UNC13C: variants seen among roughly 807,000 people sequenced by gnomAD.
The protein encoded by UNC13C is protein unc-13 homolog C.
A neutral mutation model predicts 245.4 loss-of-function variants in UNC13C; 174 were observed. The observed-to-expected ratio is 0.71, with a 90% confidence interval of 0.63 to 0.80. UNC13C has a LOEUF of 0.80. Among genes scored for constraint, UNC13C ranks in the 30% least tolerant of loss-of-function variants. The pLI is 0.00. For synonymous variants in UNC13C, 992 were observed against 895.1 expected (o/e 1.11, Z -1.93); for missense variants, 2,829 against 2,602.9 (o/e 1.09, Z -1.89).
At position 54,235,177 on chromosome 15, in the gene UNC13C, C is replaced by T. The variant is rs192689460; in HGVS notation, c.3150+69C>T. 1.6e-5 allele frequency: 21 copies of T among 1,351,470 alleles called. No individual in the cohort carries two copies. In the African/African-American group the frequency reaches 2.6e-4, roughly 16 times the overall value. The allele number at this position is 1,351,470 out of a possible 1,614,324, so 83.7% of individuals were successfully genotyped here. A position where few individuals can be genotyped will look rare whatever the true frequency, so the allele number is the denominator to read the frequency against. Reference sequence around the variant, plus strand: ...TTTTTCCTTACTAAAATGTAATGTCCTTCTCATTCACTGTCTAGCCTGTAA... The same window carrying T: ...TTTTTCCTTACTAAAATGTAATGTCTTTCTCATTCACTGTCTAGCCTGTAA... On this transcript the variant is annotated intron_variant, in intron 5 of 32. Transcript: ENST00000260323.
In UNC13C at chr15:54,501,091, T is replaced by A. The variant is rs961131372; in HGVS notation, c.5301+113T>A. The A allele has an allele frequency of 3.7e-6, 4 of 1,067,298 alleles. No individual in the cohort carries two copies. In the Admixed American group the frequency reaches 6.9e-5, roughly 19 times the overall value. 66.1% of individuals were successfully genotyped at this position (1,067,298 alleles called of 1,614,324 possible). ...CACCCCATCCCAGTTTATTTGTAATTCTGTACTAGTAAATTCAGTTGTTTC... is the reference window on the plus strand; with the variant it reads ...CACCCCATCCCAGTTTATTTGTAATACTGTACTAGTAAATTCAGTTGTTTC... On this transcript the variant is annotated intron_variant, in intron 22 of 32. Transcript: ENST00000260323.
chr15:54,363,877 T>C (rs2039294397), intron 17 of UNC13C, among the ~76,000 whole-genome samples: 1 of 152,162 alleles, frequency 6.6e-6, no homozygotes, highest in African/African-American at 2.4e-5. Flanking sequence ...ATTTTAAAGG[T>C]CCTGAGCAAT....
intron 20 of UNC13C, among the ~76,000 whole-genome samples, chr15:54,496,514 C>CA (rs1249599938): frequency 1.3e-5 from 2 of 151,978 alleles, no homozygotes; most frequent in Non-Finnish European, 2.9e-5. Context: ...TATAGCAGCA[C>CA]AATTCACAAT....
chr15:54,006,860 G>A (rs537674662), intron 1 of UNC13C, among the ~76,000 whole-genome samples: 1 of 152,094 alleles, frequency 6.6e-6, no homozygotes, highest in East Asian at 1.9e-4. Flanking sequence ...GTTTGGAGGA[G>A]CCTGCTTATA....
At chr15:54,525,235 T>TATC (rs1895393425) in intron 24 of UNC13C, among the ~76,000 whole-genome samples, 1 of 152,156 alleles carries the variant, frequency 6.6e-6, no homozygotes, top group African/African-American at 2.4e-5. Flanking sequence ...ATTACGGAAT[T>TATC]ATCATGTTCT....
rs569690960 is a variant in UNC13C at position 54,410,724 on chromosome 15, C to G, written c.4848-4258C>G. 2.6e-5 allele frequency among the ~76,000 whole-genome samples: 4 copies of G among 152,070 alleles called. No individual in the cohort carries two copies. In the South Asian group the frequency reaches 8.3e-4, roughly 32 times the overall value. ...CTGTTCCATTGTTCTATGTGTCTTT[C>G]TTGGTGCCAGTATCATGCTGTTATG... is the stretch of plus-strand genomic sequence containing the variant. On this transcript the variant is annotated intron_variant, in intron 18 of 32. Coordinates refer to ENST00000260323, the MANE Select transcript of UNC13C (RefSeq NM_001080534.3).
chr15:54,569,086 T>G (rs1321244423), intron 30 of UNC13C, among the ~76,000 whole-genome samples: 5 of 152,220 alleles, frequency 3.3e-5, no homozygotes, highest in African/African-American at 1.2e-4. Context: ...CTAAACTTTA[T>G]AAATACGAAT....
intron 2 of UNC13C, among the ~76,000 whole-genome samples, chr15:54,051,105 T>G (rs1468653028): frequency 6.6e-6 from 1 of 152,202 alleles, no homozygotes; most frequent in Non-Finnish European, 1.5e-5. Flanking sequence ...CTTTTTTGCC[T>G]TATAGAAAAT....
intron 2 of UNC13C, among the ~76,000 whole-genome samples, chr15:54,036,060 A>G (rs529595310): frequency 1.3e-5 from 2 of 152,314 alleles, no homozygotes; most frequent in East Asian, 3.9e-4. Flanking sequence ...AGGTTTCTCT[A>G]AAGAGAATGA....
intron 2 of UNC13C, among the ~76,000 whole-genome samples, chr15:54,093,395 C>T (rs1003465754): frequency 2.6e-5 from 4 of 152,122 alleles, no homozygotes; most frequent in African/African-American, 4.8e-5. Flanking sequence ...GTTTGTTGAA[C>T]GTTAGTATTA....
chr15:54,375,557 T>C (rs2039587531), intron 17 of UNC13C, among the ~76,000 whole-genome samples: 1 of 152,230 alleles, frequency 6.6e-6, no homozygotes, highest in Non-Finnish European at 1.5e-5. Flanking sequence ...TTAAGGTCCT[T>C]AGTAAGTTTG....
rs1218588494 is a variant in UNC13C at position 54,217,416 on chromosome 15, T to C, written c.3072-17614T>C. Among the ~76,000 whole-genome samples the C allele has an allele frequency of 4.0e-5, 6 of 151,828 alleles. 1 individual carries two copies. The South Asian group carries it at 1.2e-3, about 31-fold the overall frequency. On this transcript the variant is annotated intron_variant, in intron 4 of 32. Coordinates refer to ENST00000260323, the MANE Select transcript of UNC13C (RefSeq NM_001080534.3). ...GAAATTAACAGAGCCAAAAATACAA[T>C]AGGGGGTATGATCAGAACTTTGTCG... is the stretch of plus-strand genomic sequence containing the variant.
At chr15:54,131,415 C>G (rs1234737318) in intron 2 of UNC13C, among the ~76,000 whole-genome samples, 1 of 152,158 alleles carries the variant, frequency 6.6e-6, no homozygotes, top group Non-Finnish European at 1.5e-5. Context: ...TATTTACTTT[C>G]CATGGTTTCA....
intron 24 of UNC13C, among the ~76,000 whole-genome samples, chr15:54,519,729 G>A (rs1261516484): frequency 2.0e-5 from 3 of 152,128 alleles, no homozygotes; most frequent in East Asian, 1.9e-4. Flanking sequence ...TTAGAGCTGG[G>A]CACATTTGTT....
Position 54,237,606 on chromosome 15 carries a change from C to T in UNC13C, c.3157-13C>T. The T allele has an allele frequency of 1.2e-6, 2 of 1,606,274 alleles. No homozygotes were observed. Among genetic ancestry groups the T allele is most frequent in the Non-Finnish European group, 1.7e-6 (2 of 1,175,500 alleles). ...CCCTATGTATTAATAAGTCATAATT[C>T]TGTTTGTTTTAGACCCTGGCTGCCC... On this transcript the variant is annotated splice_polypyrimidine_tract_variant and intron_variant, in intron 6 of 32. Transcript: ENST00000260323.
rs564005106 is a variant in UNC13C, at chr15:54,171,727, G to A, written c.3071+28043G>A. ...TCAAAAATCTAGAAATAGAGCCACC[G>A]TATGATCCAGCAATCCCACTGCTAG... On this transcript the variant is annotated intron_variant, in intron 4 of 32. Transcript: ENST00000260323. 1.4e-4 allele frequency among the ~76,000 whole-genome samples: 22 copies of A among 152,088 alleles called. No individual in the cohort carries two copies. The South Asian group carries it at 2.7e-3, about 19-fold the overall frequency.
chr15:54,550,430 AG>A (rs1896686154), intron 28 of UNC13C, among the ~76,000 whole-genome samples: 1 of 152,122 alleles, frequency 6.6e-6, no homozygotes, highest in Non-Finnish European at 1.5e-5. Context: ...GTAACTGCAA[AG>A]TGTATGTCAC....
chr15:54,495,918 A>G lies in UNC13C; in HGVS notation c.5060+1184A>G, dbSNP rs144635168. 3.3e-3 allele frequency among the ~76,000 whole-genome samples: 496 copies of G among 152,050 alleles called. 1 individual carries two copies. The highest frequency in any genetic ancestry group is 5.0e-3 in the Non-Finnish European group (338 of 67,892). ...TGGGATAACTTAAAAATGCCGTACT[A>G]TGGGGTATAGGGTGTTGGGGAGATT... On this transcript the variant is annotated intron_variant, in intron 20 of 32. Coordinates refer to ENST00000260323, the MANE Select transcript of UNC13C (RefSeq NM_001080534.3).
In UNC13C at chr15:54,580,106, C is replaced by A. The variant is rs562557422; in HGVS notation, c.6106+12159C>A. On this transcript the variant is annotated intron_variant, in intron 30 of 32. Transcript: ENST00000260323. The stretch of plus-strand genomic sequence containing the variant: ...TGAGTCAAGAAAGCAAAATGCAATA[C>A]AATTTCTCTGGACCCACTGAGCCAC... 3.9e-5 allele frequency among the ~76,000 whole-genome samples: 6 copies of A among 152,272 alleles called. No individual in the cohort carries two copies. In the East Asian group the frequency reaches 1.2e-3, roughly 29 times the overall value.
Sources: gnomAD v4.1 joint callset for allele counts (sites outside exome capture counted in the v4.1 genomes callset) on GRCh38, gnomAD v4.1.1 for gene constraint, MANE v1.5 for transcripts, NCBI Gene and HGNC (gene_info 2026-07-23, HGNC 2026-07-21) for gene names.